The following FSHR variants were observed in gnomAD, a reference collection of about 807,000 sequenced individuals.
FSHR encodes the protein follicle stimulating hormone receptor, also known as follicle-stimulating hormone receptor.
FSHR carries 46 observed loss-of-function variants against 52.1 expected under a neutral mutation model. That is an observed-to-expected ratio of 0.88 (90% confidence interval 0.70 to 1.13). The LOEUF (loss-of-function observed/expected upper bound fraction) is 1.13, where lower values mean the gene tolerates loss of function less well. Among genes scored for constraint, FSHR ranks in the 50% most tolerant of loss-of-function variants. The pLI is 0.00. For missense variants in FSHR, 964 were observed against 834.6 expected (o/e 1.16, Z -1.91); for synonymous variants, 399 against 309.6 (o/e 1.29, Z -3.03).
chr2:48,989,744 G>A (rs535689746), intron 5 of FSHR, among the ~76,000 whole-genome samples: 2 of 152,100 alleles, frequency 1.3e-5, no homozygotes, highest in South Asian at 4.1e-4. Context: ...TGTTCTCCTT[G>A]GGTCTCAGAA....
At chr2:48,981,631 G>GTA (rs1475337564) in intron 8 of FSHR, among the ~76,000 whole-genome samples, 3 of 152,132 alleles carry the variant, frequency 2.0e-5, no homozygotes, top group East Asian at 3.9e-4. Flanking sequence ...ACCTTGAAGT[G>GTA]TATATTTCTT....
intron 1 of FSHR, among the ~76,000 whole-genome samples, chr2:49,121,854 C>T (rs1356867490): frequency 1.3e-5 from 2 of 151,976 alleles, no homozygotes; most frequent in Non-Finnish European, 2.9e-5. Flanking sequence ...CTGCCTCATC[C>T]TTTCGTGATC....
intron 2 of FSHR, among the ~76,000 whole-genome samples, chr2:49,054,742 C>T (rs553593102): frequency 6.6e-6 from 1 of 152,260 alleles, no homozygotes; most frequent in East Asian, 1.9e-4. Context: ...ACTCTCTCAG[C>T]TTAGGCTGCT....
intron 4 of FSHR, among the ~76,000 whole-genome samples, chr2:49,005,997 A>T (rs561047430): frequency 1.3e-5 from 2 of 152,194 alleles, no homozygotes; most frequent in South Asian, 2.1e-4. Context: ...ACGTGAAAAG[A>T]TTAGACTGGC....
intron 7 of FSHR, 40 bp from the exon 8 acceptor site, chr2:48,983,026 G>A (rs1199447125): frequency 6.2e-7 from 1 of 1,607,968 alleles, no homozygotes; most frequent in Non-Finnish European, 8.5e-7. Context: ...AAAACACAAA[G>A]CCACATAAAT....
At chr2:49,152,291 T>G (rs943640481) in intron 1 of FSHR, among the ~76,000 whole-genome samples, 5 of 152,278 alleles carry the variant, frequency 3.3e-5, no homozygotes, top group African/African-American at 1.2e-4. Context: ...CATCACACTC[T>G]CTCACACAGT....
rs764638641 is a variant in FSHR, at chr2:48,963,215, C to T, written c.1606G>A (p.Val536Met). Residue 536 changes from valine to methionine, a missense_variant, in exon 10 of 10, where the codon GTG becomes ATG. Transcript: ENST00000406846. ...LSQLYVMSLL[V>M]LNVLAFVVIC... is the part of the protein sequence containing the mutation. The stretch of plus-strand genomic sequence containing the variant: ...ACCACAAAGGCCAGGACATTGAGCA[C>T]AAGGAGGGACATGACATACAGCTGT... 1.9e-6 allele frequency: 3 copies of T among 1,614,094 alleles called. No individual in the cohort carries two copies. Among genetic ancestry groups the T allele is most frequent in the South Asian group, 1.1e-5 (1 of 91,076 alleles).
At chr2:49,102,691 C>T (rs1671077671) in intron 1 of FSHR, among the ~76,000 whole-genome samples, 2 of 152,062 alleles carry the variant, frequency 1.3e-5, no homozygotes, top group South Asian at 4.1e-4. Context: ...GGATTAGCTT[C>T]ATGGACATTG....
chr2:49,044,293 C>A (rs1019110202), intron 2 of FSHR, among the ~76,000 whole-genome samples: 2 of 152,092 alleles, frequency 1.3e-5, no homozygotes, highest in African/African-American at 2.4e-5. Flanking sequence ...GTGAGGAGCA[C>A]CTATTTTGTT....
chr2:49,140,121 A>G (rs531567688), intron 1 of FSHR, among the ~76,000 whole-genome samples: 3 of 152,180 alleles, frequency 2.0e-5, no homozygotes, highest in Admixed American at 1.3e-4. Flanking sequence ...TAGTTTGGAC[A>G]TTTGTCCACA....
intron 2 of FSHR, among the ~76,000 whole-genome samples, chr2:49,045,055 T>C (rs893299654): frequency 1.3e-5 from 2 of 152,352 alleles, no homozygotes; most frequent in East Asian, 3.9e-4. Flanking sequence ...AACAATTAAA[T>C]GTGATCTGAC....
chr2:49,002,851 A>G (rs1490560583), intron 4 of FSHR, among the ~76,000 whole-genome samples: 1 of 152,120 alleles, frequency 6.6e-6, no homozygotes, highest in African/African-American at 2.4e-5. Context: ...CCTGTAAAGA[A>G]AAGAGCTTAT....
intron 2 of FSHR, among the ~76,000 whole-genome samples, chr2:49,050,376 T>C (rs1668809861): frequency 6.6e-6 from 1 of 152,186 alleles, no homozygotes; most frequent in Non-Finnish European, 1.5e-5. Context: ...ACTCTGTGAC[T>C]ATAGGAGTAG....
chr2:49,035,119 C>G (rs1398475760), intron 2 of FSHR, among the ~76,000 whole-genome samples: 3 of 152,166 alleles, frequency 2.0e-5, no homozygotes, highest in Non-Finnish European at 4.4e-5. Context: ...AGGCCTTATA[C>G]TTTATATAAA....
intron 2 of FSHR, among the ~76,000 whole-genome samples, chr2:49,036,764 T>C (rs1300445578): frequency 6.6e-6 from 1 of 152,180 alleles, no homozygotes; most frequent in Admixed American, 6.6e-5. Context: ...AAGGAGAGGG[T>C]GATAAACTAT....
Position 48,962,756 on chromosome 2 carries a change from G to A in FSHR, c.2065C>T (p.Leu689=), listed in dbSNP as rs774648218. The A allele has an allele frequency of 6.2e-7, 1 of 1,614,026 alleles. No homozygotes were observed. The highest frequency in any genetic ancestry group is 8.5e-7 in the Non-Finnish European group (1 of 1,179,864). The change falls in exon 10 of 10, where the codon CTA becomes TTA. Residue 689 remains leucine, a synonymous_variant. Coordinates refer to ENST00000406846, the MANE Select transcript of FSHR (RefSeq NM_000145.4). ...TSGSTYILVP[L]SHLAQN is the part of the protein sequence containing the mutation. ...TTTTAGTTTTGGGCTAAATGACTTAGAGGGACAAGTATGTAAGTGGAACCA... is the reference window on the plus strand; with the variant it reads ...TTTTAGTTTTGGGCTAAATGACTTAAAGGGACAAGTATGTAAGTGGAACCA...
intron 6 of FSHR, among the ~76,000 whole-genome samples, chr2:48,987,577 C>T (rs572031602): frequency 6.6e-6 from 1 of 152,008 alleles, no homozygotes; most frequent in Admixed American, 6.6e-5. Flanking sequence ...CCTCTGCACG[C>T]CCTTTGCCAA....
At chr2:49,077,047 G>T (rs752570403) in intron 1 of FSHR, among the ~76,000 whole-genome samples, 5 of 152,128 alleles carry the variant, frequency 3.3e-5, no homozygotes, top group Admixed American at 1.3e-4. Context: ...GAGGATGGTG[G>T]CCGTCTTCTC....
At chr2:49,052,888 G>T (rs1345849304) in intron 2 of FSHR, among the ~76,000 whole-genome samples, 2 of 152,154 alleles carry the variant, frequency 1.3e-5, no homozygotes, top group African/African-American at 4.8e-5. Flanking sequence ...TTACAGTTCT[G>T]GTTACCTGAT....
Sources: gnomAD v4.1 joint callset for allele counts (sites outside exome capture counted in the v4.1 genomes callset) on GRCh38, gnomAD v4.1.1 for gene constraint, MANE v1.5 for transcripts, NCBI Gene and HGNC (gene_info 2026-07-23, HGNC 2026-07-21) for gene names.